The following PAWR variants were observed in gnomAD, a reference collection of about 807,000 sequenced individuals.
The protein encoded by PAWR is PRKC apoptosis WT1 regulator protein.
In PAWR, 23 loss-of-function variants were observed where a neutral mutation model predicts 32.0. The observed-to-expected ratio is 0.72, with a 90% CI of 0.52 to 1.02. The LOEUF (loss-of-function observed/expected upper bound fraction) is 1.02, where lower values mean the gene tolerates loss of function less well. PAWR is among the 50% of genes least tolerant of loss of function. The probability of loss-of-function intolerance (pLI) is 0.00; values close to 1 mark genes in which losing one functional copy is unlikely to be tolerated. For missense variants in PAWR, 457 were observed against 437.7 expected (o/e 1.04, Z -0.39); for synonymous variants, 226 against 187.1 (o/e 1.21, Z -1.70).
At position 79,625,776 on chromosome 12, in the gene PAWR, C is replaced by T. The variant is rs1281969679; in HGVS notation, c.517-4569G>A. Among the ~76,000 whole-genome samples, 8 of 147,204 alleles carry T rather than the reference C, an allele frequency of 5.4e-5. No homozygotes were observed. In the East Asian group the frequency reaches 8.4e-4, roughly 15 times the overall value. On this transcript the variant is annotated intron_variant, in intron 2 of 6. Coordinates refer to ENST00000328827, the MANE Select transcript of PAWR (RefSeq NM_002583.4). ...CAGAGCTTGCAGTGAGCCGAGATCA[C>T]GCCACTGCACTCCAGCCTGGGCGAC...
rs1873377959 is a variant in PAWR, at chr12:79,586,110, T to A, written c.*6497A>T. 6.6e-6 allele frequency: 1 copy of A among 152,238 alleles called. No homozygotes were observed. The highest frequency in any genetic ancestry group is 2.4e-5 in the African/African-American group (1 of 41,462). The allele number at this position is 152,238 out of a possible 1,614,324, so 9.4% of individuals were successfully genotyped here. On this transcript the variant is annotated 3_prime_UTR_variant, in exon 7 of 7. Transcript: ENST00000328827. The stretch of plus-strand genomic sequence containing the variant: ...GACTGACATAATTTTACTTTAATGA[T>A]GTTGTTTATTGTCCTAAGCCATCCA...
intron 3 of PAWR, 128 bp from the exon 4 acceptor site, chr12:79,613,737 A>C (rs1032793499): frequency 2.2e-5 from 10 of 460,694 alleles, no homozygotes. Flanking sequence ...GTTTTAAAAA[A>C]TTCACACTGC....
intron 2 of PAWR, among the ~76,000 whole-genome samples, chr12:79,661,699 G>C (rs545113560): frequency 6.6e-6 from 1 of 152,114 alleles, no homozygotes; most frequent in African/African-American, 2.4e-5. Context: ...TTAGACCAAA[G>C]CCCTCTCCCT....
intron 2 of PAWR, among the ~76,000 whole-genome samples, chr12:79,644,267 A>C (rs1378210859): frequency 1.3e-5 from 2 of 152,194 alleles, no homozygotes; most frequent in Non-Finnish European, 2.9e-5. Context: ...TCTACATAAA[A>C]CAAGTTAATT....
intron 2 of PAWR, among the ~76,000 whole-genome samples, chr12:79,643,441 A>G (rs1592526100): frequency 1.3e-5 from 2 of 152,132 alleles, no homozygotes; most frequent in South Asian, 4.1e-4. Flanking sequence ...ACGTCCAGGT[A>G]CCCCCTGCCG....
intron 2 of PAWR, chr12:79,635,754 G>GT (rs1459886454): frequency 6.6e-6 from 1 of 152,088 alleles, no homozygotes; most frequent in African/African-American, 2.4e-5. Context: ...TCCAAAAAAA[G>GT]TTTGAAAGCC....
At chr12:79,602,914 T>C (rs558207081) in intron 4 of PAWR, among the ~76,000 whole-genome samples, 1 of 151,564 alleles carries the variant, frequency 6.6e-6, no homozygotes, top group African/African-American at 2.4e-5. Flanking sequence ...CTACCACAAA[T>C]ACACAAAACG....
chr12:79,669,618 T>C (rs1877786818), intron 2 of PAWR, among the ~76,000 whole-genome samples: 1 of 152,106 alleles, frequency 6.6e-6, no homozygotes, highest in Non-Finnish European at 1.5e-5. Context: ...TCAAGTGTTC[T>C]TTAAAAAAAG....
intron 2 of PAWR, among the ~76,000 whole-genome samples, chr12:79,625,578 T>C (rs543016129): frequency 6.6e-6 from 1 of 152,028 alleles, no homozygotes; most frequent in East Asian, 1.9e-4. Flanking sequence ...TCCCAGCACT[T>C]TGGGAGGCCA....
Position 79,660,119 on chromosome 12 carries a change from C to T in PAWR, c.516+29610G>A, listed in dbSNP as rs1054038644. Among the ~76,000 whole-genome samples, 57 of 152,128 alleles carry T rather than the reference C, an allele frequency of 3.7e-4. 1 individual carries two copies. Among genetic ancestry groups the T allele is most frequent in the Non-Finnish European group, 1.3e-4 (9 of 68,026 alleles). On this transcript the variant is annotated intron_variant, in intron 2 of 6. Coordinates refer to ENST00000328827, the MANE Select transcript of PAWR (RefSeq NM_002583.4). The stretch of plus-strand genomic sequence containing the variant: ...TGAGCAAACATACCACAGACATTGT[C>T]GGTTATAAATGTTAACAGTACTTGG...
intron 2 of PAWR, among the ~76,000 whole-genome samples, chr12:79,678,902 C>T (rs1878304875): frequency 6.9e-6 from 1 of 144,520 alleles, no homozygotes; most frequent in African/African-American, 2.6e-5. Flanking sequence ...GTGGGAGGCA[C>T]AGGATGGTGG....
At position 79,654,843 on chromosome 12, in the gene PAWR, T is replaced by C. The variant is rs141398232; in HGVS notation, c.517-33636A>G. 4.1e-3 allele frequency among the ~76,000 whole-genome samples: 622 copies of C among 152,212 alleles called. 12 individuals carry two copies. Among genetic ancestry groups the C allele is most frequent in the African/African-American group, 0.014 (590 of 41,550 alleles). On this transcript the variant is annotated intron_variant, in intron 2 of 6. Coordinates refer to ENST00000328827, the MANE Select transcript of PAWR (RefSeq NM_002583.4). ...CCCCCATAATCCTATCACTTCCCTC[T>C]CTCTAAACATGGTGATTACAATTCG...
Position 79,589,773 on chromosome 12 carries a change from G to A in PAWR, c.*2834C>T, listed in dbSNP as rs1873493544. ...ATGACAAACTTACTATTTTGAAAAT[G>A]AGCTCATAAATACATTAGAACTTTG... On this transcript the variant is annotated 3_prime_UTR_variant, in exon 7 of 7. Coordinates refer to ENST00000328827, the MANE Select transcript of PAWR (RefSeq NM_002583.4). 6.6e-6 allele frequency: 1 copy of A among 152,134 alleles called. No homozygotes were observed. Among genetic ancestry groups the A allele is most frequent in the Non-Finnish European group, 1.5e-5 (1 of 68,014 alleles). 9.4% of individuals were successfully genotyped at this position (152,134 alleles called of 1,614,324 possible). A position where few individuals can be genotyped will look rare whatever the true frequency, so the allele number is the denominator to read the frequency against.
In PAWR at chr12:79,585,033, C is replaced by T; in HGVS notation, c.*7574G>A. 1 of 340,946 alleles carries T rather than the reference C, an allele frequency of 2.9e-6. No individual in the cohort carries two copies. Among genetic ancestry groups the T allele is most frequent in the Non-Finnish European group, 5.7e-6 (1 of 175,978 alleles). 21.1% of individuals were successfully genotyped at this position (340,946 alleles called of 1,614,324 possible). ...TCCATAGTCTCTTGGACTTGAGAAT[C>T]CATTTGAGTTTCAGAAAGAATACTA... On this transcript the variant is annotated 3_prime_UTR_variant, in exon 7 of 7. Transcript: ENST00000328827.
rs1873584032 is a variant in PAWR at position 79,592,288 on chromosome 12, T to C, written c.*319A>G. ...CTATGTATATTCCTAAGGGAGAAAA[T>C]GTACTACCAAGATAAAATATATTCA... On this transcript the variant is annotated 3_prime_UTR_variant, in exon 7 of 7. Transcript: ENST00000328827. The C allele has an allele frequency of 4.0e-6, 1 of 251,244 alleles. No individual in the cohort carries two copies. The highest frequency in any genetic ancestry group is 7.6e-6 in the Non-Finnish European group (1 of 132,320). The allele number at this position is 251,244 out of a possible 1,614,324, so 15.6% of individuals were successfully genotyped here. A position where few individuals can be genotyped will look rare whatever the true frequency, so the allele number is the denominator to read the frequency against.
At chr12:79,650,054 G>C (rs1284525983) in intron 2 of PAWR, among the ~76,000 whole-genome samples, 4 of 152,104 alleles carry the variant, frequency 2.6e-5, no homozygotes, top group African/African-American at 9.7e-5. Context: ...AGGAGGTGGC[G>C]CTCAGGCCGT....
At chr12:79,681,978 T>TA (rs1239719933) in intron 2 of PAWR, among the ~76,000 whole-genome samples, 2 of 152,220 alleles carry the variant, frequency 1.3e-5, no homozygotes, top group Non-Finnish European at 1.5e-5. Flanking sequence ...AATCAATTGA[T>TA]ACTTTATGTA....
chr12:79,636,384 T>C (rs1001393096), intron 2 of PAWR, among the ~76,000 whole-genome samples: 12 of 152,128 alleles, frequency 7.9e-5, no homozygotes, highest in African/African-American at 2.9e-4. Context: ...CTTTTACTTA[T>C]ATTAATAACA....
Position 79,672,480 on chromosome 12 carries a change from C to T in PAWR, c.516+17249G>A, listed in dbSNP as rs905228793. The stretch of plus-strand genomic sequence containing the variant: ...ACCTAGAACATTTTTACCCCAGCTC[C>T]TTCCCCTGATTTTTACCTAACTGGC... On this transcript the variant is annotated intron_variant, in intron 2 of 6. Transcript: ENST00000328827. 2.0e-5 allele frequency among the ~76,000 whole-genome samples: 3 copies of T among 152,244 alleles called. No homozygotes were observed. In the East Asian group the frequency reaches 5.8e-4, roughly 29 times the overall value.
Sources: gnomAD v4.1 joint callset for allele counts (sites outside exome capture counted in the v4.1 genomes callset) on GRCh38, gnomAD v4.1.1 for gene constraint, MANE v1.5 for transcripts, NCBI Gene and HGNC (gene_info 2026-07-23, HGNC 2026-07-21) for gene names.